Variants in MBD5 observed in about 807,000 individuals in gnomAD.
MBD5 encodes methyl-CpG-binding domain protein 5.
A neutral mutation model predicts 117.3 loss-of-function variants in MBD5; 13 were observed. That is an observed-to-expected ratio of 0.11 (90% confidence interval 0.07 to 0.18). The LOEUF (loss-of-function observed/expected upper bound fraction) is 0.18, where lower values mean the gene tolerates loss of function less well. Among genes scored for constraint, MBD5 ranks in the 10% least tolerant of loss-of-function variants. MBD5 has a pLI of 1.00. For synonymous variants in MBD5, 727 were observed against 766.4 expected, an observed-to-expected ratio of 0.95 and a Z score of 0.85; for missense variants, 1,879 against 2,093.8, an observed-to-expected ratio of 0.90 and a Z score of 2.00.
chr2:148,484,633 G>T (rs570301238), intron 9 of MBD5, among the ~76,000 whole-genome samples: 59 of 152,194 alleles, frequency 3.9e-4, no homozygotes, highest in African/African-American at 1.4e-3. Context: ...GTAAAAACAC[G>T]CAAAGCTAAA....
chr2:148,138,586 A>T (rs180791175), intron 1 of MBD5, among the ~76,000 whole-genome samples: 1 of 152,342 alleles, frequency 6.6e-6, no homozygotes, highest in Non-Finnish European at 1.5e-5. Context: ...ATTATAGAAC[A>T]CAAAATGAAG....
chr2:148,263,621 A>G lies in MBD5; in HGVS notation c.-680+30226A>G, dbSNP rs148341315. Among the ~76,000 whole-genome samples, 529 of 152,278 alleles carry G rather than the reference A, an allele frequency of 3.5e-3. 2 individuals are homozygous for G. Among genetic ancestry groups the G allele is most frequent in the African/African-American group, 0.012 (512 of 41,556 alleles). On this transcript the variant is annotated intron_variant, in intron 3 of 13. Transcript: ENST00000642680. Reference sequence around the variant, plus strand: ...GAAAAGTGGATGTATTGAAGGAAAAAGTCATATTGGGTGGAGGTTAGAGTT... The same window carrying G: ...GAAAAGTGGATGTATTGAAGGAAAAGGTCATATTGGGTGGAGGTTAGAGTT...
chr2:148,386,967 G>C (rs1219899014), intron 4 of MBD5, among the ~76,000 whole-genome samples: 1 of 152,108 alleles, frequency 6.6e-6, no homozygotes, highest in African/African-American at 2.4e-5. Flanking sequence ...GGCTGTAACT[G>C]ACCCCTGGCC....
At chr2:148,259,718 T>G (rs538818030) in intron 3 of MBD5, among the ~76,000 whole-genome samples, 1 of 152,188 alleles carries the variant, frequency 6.6e-6, no homozygotes, top group Non-Finnish European at 1.5e-5. Flanking sequence ...AATAGTGGCT[T>G]TGAGCCAAGC....
chr2:148,167,735 T>G lies in MBD5; in HGVS notation c.-924-10965T>G, dbSNP rs78873491. On this transcript the variant is annotated intron_variant, in intron 1 of 13. Coordinates refer to ENST00000642680, the MANE Select transcript of MBD5 (RefSeq NM_001378120.1). ...CTCATCCCTCTGTCCTCTTCCCACT[T>G]CAGAATCAGGGACCCATTTTCTACT... 2.0e-3 allele frequency among the ~76,000 whole-genome samples: 306 copies of G among 152,314 alleles called. 7 individuals are homozygous for G. The East Asian group carries it at 0.054, about 27-fold the overall frequency.
intron 1 of MBD5, among the ~76,000 whole-genome samples, chr2:148,079,358 G>A (rs1695585314): frequency 6.6e-6 from 1 of 152,186 alleles, no homozygotes; most frequent in Non-Finnish European, 1.5e-5. Context: ...CTCAATCGAT[G>A]AGGATATTGT....
chr2:148,298,858 T>C (rs1348833957), intron 3 of MBD5, among the ~76,000 whole-genome samples: 1 of 152,208 alleles, frequency 6.6e-6, no homozygotes, highest in East Asian at 1.9e-4. Flanking sequence ...TAAGTACACC[T>C]GTTTATATAC....
intron 4 of MBD5, among the ~76,000 whole-genome samples, chr2:148,411,519 T>TC (rs1705249230): frequency 6.8e-6 from 1 of 147,536 alleles, no homozygotes; most frequent in Non-Finnish European, 1.5e-5. Context: ...GTTCTTTTTT[T>TC]TTTTTTTTTT....
At chr2:148,236,352 A>C (rs535290825) in intron 3 of MBD5, among the ~76,000 whole-genome samples, 1 of 152,306 alleles carries the variant, frequency 6.6e-6, no homozygotes, top group African/African-American at 2.4e-5. Flanking sequence ...AGCCTTAAAA[A>C]ATACATTTCT....
intron 1 of MBD5, among the ~76,000 whole-genome samples, chr2:148,042,412 A>G (rs1042996877): frequency 2.0e-5 from 3 of 152,108 alleles, no homozygotes; most frequent in African/African-American, 7.2e-5. Context: ...AAAATTTCTC[A>G]CAGCTATGAG....
intron 1 of MBD5, among the ~76,000 whole-genome samples, chr2:148,084,223 T>C (rs1695721732): frequency 6.6e-6 from 1 of 152,222 alleles, no homozygotes. Context: ...CATGCTTCTG[T>C]TCTCCTACGG....
intron 1 of MBD5, among the ~76,000 whole-genome samples, chr2:148,082,358 T>G (rs985258560): frequency 1.5e-4 from 23 of 152,242 alleles, no homozygotes; most frequent in Non-Finnish European, 2.4e-4. Context: ...TCAAGTATCT[T>G]TATTCCTTTT....
intron 3 of MBD5, among the ~76,000 whole-genome samples, chr2:148,270,595 G>C (rs1044146966): frequency 6.6e-6 from 1 of 151,894 alleles, no homozygotes; most frequent in Non-Finnish European, 1.5e-5. Flanking sequence ...CACCATGTTG[G>C]CCAGGCTGGT....
At chr2:148,507,933 G>A (rs931434264) in intron 12 of MBD5, among the ~76,000 whole-genome samples, 1 of 151,954 alleles carries the variant, frequency 6.6e-6, no homozygotes, top group African/African-American at 2.4e-5. Context: ...AAACTCCTAA[G>A]ATATTTTAAT....
At chr2:148,100,832 A>G (rs1053312368) in intron 1 of MBD5, among the ~76,000 whole-genome samples, 1 of 152,134 alleles carries the variant, frequency 6.6e-6, no homozygotes, top group Non-Finnish European at 1.5e-5. Context: ...GCCCACATTC[A>G]AGGGATGGGA....
In MBD5 at chr2:148,081,817, A is replaced by G. The variant is rs547691296; in HGVS notation, c.-925+60133A>G. 4.3e-4 allele frequency among the ~76,000 whole-genome samples: 65 copies of G among 152,282 alleles called. 1 individual carries two copies. Among genetic ancestry groups the G allele is most frequent in the Middle Eastern group, 3.4e-3 (1 of 294 alleles). ...TCTTATTCTACATAGTACCTACTGCACTGTAACTTATGGTTTTGTGGGAGA... is the reference window on the plus strand; with the variant it reads ...TCTTATTCTACATAGTACCTACTGCGCTGTAACTTATGGTTTTGTGGGAGA... On this transcript the variant is annotated intron_variant, in intron 1 of 13. Transcript: ENST00000642680.
chr2:148,231,642 T>C lies in MBD5; in HGVS notation c.-830-1603T>C, dbSNP rs537633029. On this transcript the variant is annotated intron_variant, in intron 2 of 13. Transcript: ENST00000642680. ...TGCCATCTTGCCCTGCTTCAAGTTA[T>C]AGTCTTTAAAAAATCTCACTTAGAA... Among the ~76,000 whole-genome samples, 5 of 152,272 alleles carry C rather than the reference T, an allele frequency of 3.3e-5. No individual in the cohort carries two copies. In the East Asian group the frequency reaches 5.8e-4, roughly 18 times the overall value.
chr2:148,490,724 A>G (rs949928059), intron 11 of MBD5, 130 bp downstream of exon 11: 17 of 1,104,624 alleles, frequency 1.5e-5, no homozygotes, highest in Non-Finnish European at 2.1e-5. Flanking sequence ...AGGTCTCACA[A>G]GCTTCTGGAG....
chr2:148,156,627 TGA>T (rs1697883083), intron 1 of MBD5, among the ~76,000 whole-genome samples: 1 of 152,250 alleles, frequency 6.6e-6, no homozygotes, highest in African/African-American at 2.4e-5. Flanking sequence ...GTGAGCTCTT[TGA>T]GAGTCTGTGG....
Sources: allele counts gnomAD v4.1 joint callset (sites outside exome capture counted in the v4.1 genomes callset), GRCh38; gene constraint gnomAD v4.1.1; transcripts MANE v1.5; gene names NCBI Gene and HGNC (gene_info 2026-07-23, HGNC 2026-07-21).